The following RUNDC3B variants were observed in gnomAD, a reference collection of about 807,000 sequenced individuals.
The protein encoded by RUNDC3B is RUN domain-containing protein 3B.
A neutral mutation model predicts 58.4 loss-of-function variants in RUNDC3B; 33 were observed. That is an observed-to-expected ratio of 0.56 (90% confidence interval 0.43 to 0.75). The LOEUF is 0.75. Among genes scored for constraint, RUNDC3B ranks in the 30% least tolerant of loss-of-function variants. The pLI, the probability that RUNDC3B is intolerant of heterozygous loss-of-function variation, is 0.00. For missense variants in RUNDC3B, 501 were observed against 535.7 expected (o/e 0.94, Z 0.64); for synonymous variants, 193 against 195.2 (o/e 0.99, Z 0.10).
chr7:87,638,096 C>T (rs1187864539), intron 1 of RUNDC3B, among the ~76,000 whole-genome samples: 1 of 151,698 alleles, frequency 6.6e-6, no homozygotes. Context: ...TGATTTTTCT[C>T]TCTTTTGTTG....
intron 7 of RUNDC3B, among the ~76,000 whole-genome samples, chr7:87,776,911 A>G (rs1428207220): frequency 6.6e-6 from 1 of 152,100 alleles, no homozygotes; most frequent in Non-Finnish European, 1.5e-5. Flanking sequence ...CTAATTAATA[A>G]TCCTTAGAGG....
intron 2 of RUNDC3B, chr7:87,694,029 C>T (rs1193364183): frequency 2.5e-6 from 4 of 1,587,864 alleles, no homozygotes; most frequent in Non-Finnish European, 3.4e-6. Flanking sequence ...CGGGGGAGGG[C>T]TGTATCAGTT....
chr7:87,688,486 C>T (rs1827696660), intron 2 of RUNDC3B, among the ~76,000 whole-genome samples: 1 of 150,158 alleles, frequency 6.7e-6, no homozygotes. Context: ...TGACTTTTGC[C>T]TATTTCTTCT....
At chr7:87,639,558 T>C (rs1195971284) in intron 1 of RUNDC3B, among the ~76,000 whole-genome samples, 8 of 152,162 alleles carry the variant, frequency 5.3e-5, no homozygotes, top group Admixed American at 5.2e-4. Flanking sequence ...ACTATAAATA[T>C]TTTGTTTTGT....
Position 87,730,700 on chromosome 7 carries a change from TG to T in RUNDC3B, c.459-9088del, listed in dbSNP as rs1302148820. On this transcript the variant is annotated intron_variant, in intron 4 of 10. Transcript: ENST00000394654. ...TGCCATCTGCTGATTGTAGAGCCCT[TG>T]GGCCTTGAGAAAACATAAGTGGTAG... Among the ~76,000 whole-genome samples, 24 of 152,004 alleles carry T rather than the reference TG, an allele frequency of 1.6e-4. 1 individual carries two copies. In the East Asian group the frequency reaches 2.9e-3, roughly 19 times the overall value.
At chr7:87,653,540 A>G (rs1356368011) in intron 2 of RUNDC3B, among the ~76,000 whole-genome samples, 3 of 152,096 alleles carry the variant, frequency 2.0e-5, no homozygotes, top group Non-Finnish European at 4.4e-5. Flanking sequence ...AACACTTCTG[A>G]TCTCTGAGAA....
intron 8 of RUNDC3B, among the ~76,000 whole-genome samples, chr7:87,796,244 A>G (rs995294137): frequency 6.6e-6 from 1 of 152,170 alleles, no homozygotes; most frequent in Admixed American, 6.6e-5. Flanking sequence ...TATTTTTGGT[A>G]TATAAAAATC....
rs1563203095 is a variant in RUNDC3B, at chr7:87,777,821, A to T, written c.822A>T (p.Arg274=). 6.2e-7 allele frequency: 1 copy of T among 1,613,670 alleles called. No homozygotes were observed. The highest frequency in any genetic ancestry group is 1.1e-5 in the South Asian group (1 of 91,072). ...EQKGYLEELL[R]LRENQLSESV... is the part of the protein sequence containing the mutation. Reference sequence around the variant, plus strand: ...AGGGTTACCTTGAAGAACTCTTACGACTTCGAGAGAACCAACTATCTGAAT... The same window carrying T: ...AGGGTTACCTTGAAGAACTCTTACGTCTTCGAGAGAACCAACTATCTGAAT... The change falls in exon 8 of 11, where the codon CGA becomes CGT. Residue 274 remains arginine, a synonymous_variant. Coordinates refer to ENST00000394654, the MANE Select transcript of RUNDC3B (RefSeq NM_001134405.2).
intron 1 of RUNDC3B, among the ~76,000 whole-genome samples, chr7:87,637,753 A>C (rs1055546671): frequency 6.6e-6 from 1 of 152,086 alleles, no homozygotes; most frequent in African/African-American, 2.4e-5. Flanking sequence ...CTTTTAAAAT[A>C]CTGGTCTTAT....
intron 8 of RUNDC3B, among the ~76,000 whole-genome samples, chr7:87,780,551 T>G (rs1033015150): frequency 6.6e-6 from 1 of 152,210 alleles, no homozygotes; most frequent in African/African-American, 2.4e-5. Flanking sequence ...ATCTGTAGGT[T>G]GTCTGTTTAC....
chr7:87,783,769 G>C (rs1282023364), intron 8 of RUNDC3B, among the ~76,000 whole-genome samples: 1 of 152,122 alleles, frequency 6.6e-6, no homozygotes, highest in Non-Finnish European at 1.5e-5. Flanking sequence ...AGCTTGGTTT[G>C]GTGGGATATT....
chr7:87,822,014 T>C (rs1177476492), intron 10 of RUNDC3B, among the ~76,000 whole-genome samples: 2 of 151,842 alleles, frequency 1.3e-5, no homozygotes, highest in East Asian at 3.9e-4. Flanking sequence ...CCAAAAGCAA[T>C]GGCAACAAAA....
chr7:87,634,156 A>G (rs1468800369), intron 1 of RUNDC3B, among the ~76,000 whole-genome samples: 3 of 152,130 alleles, frequency 2.0e-5, no homozygotes, highest in African/African-American at 7.2e-5. Context: ...CTGGCTCACT[A>G]GTGGGTGATA....
chr7:87,725,000 G>A (rs1468564865), intron 4 of RUNDC3B, among the ~76,000 whole-genome samples: 1 of 151,812 alleles, frequency 6.6e-6, no homozygotes, highest in Non-Finnish European at 1.5e-5. Flanking sequence ...AAAAAACAAA[G>A]GCTTATGACT....
At chr7:87,753,532 G>T (rs1833158939) in intron 6 of RUNDC3B, among the ~76,000 whole-genome samples, 1 of 152,122 alleles carries the variant, frequency 6.6e-6, no homozygotes, top group African/African-American at 2.4e-5. Context: ...GGTCACTCAG[G>T]ACTTACTTTA....
intron 2 of RUNDC3B, among the ~76,000 whole-genome samples, chr7:87,655,190 C>G (rs1009970015): frequency 6.6e-6 from 1 of 151,954 alleles, no homozygotes; most frequent in Non-Finnish European, 1.5e-5. Context: ...AAAATAGAAC[C>G]TCCATGTAAA....
Position 87,700,529 on chromosome 7 carries a change from A to G in RUNDC3B, c.347A>G (p.Glu116Gly). Reference sequence around the variant, plus strand: ...TGTATCTGCAGCATTGAAAATATGGAAAATGTCAGTTCTTCTAGAGCTAAG... The same window carrying G: ...TGTATCTGCAGCATTGAAAATATGGGAAATGTCAGTTCTTCTAGAGCTAAG... ...QNCICSIENM[E>G]NVSSSRAKGR... Residue 116 changes from glutamate (E) to glycine (G), a missense_variant, in exon 3 of 11, where the codon GAA becomes GGA. Coordinates refer to ENST00000394654, the MANE Select transcript of RUNDC3B (RefSeq NM_001134405.2). 1 of 1,613,256 alleles carries G rather than the reference A, an allele frequency of 6.2e-7. No homozygotes were observed. Among genetic ancestry groups the G allele is most frequent in the Non-Finnish European group, 8.5e-7 (1 of 1,179,672 alleles).
At chr7:87,694,978 C>T (rs1431257911) in intron 2 of RUNDC3B, among the ~76,000 whole-genome samples, 1 of 152,074 alleles carries the variant, frequency 6.6e-6, no homozygotes, top group African/African-American at 2.4e-5. Flanking sequence ...CTAGACATTA[C>T]ATTGTCAATA....
intron 2 of RUNDC3B, among the ~76,000 whole-genome samples, chr7:87,687,837 T>A (rs1378752179): frequency 6.6e-6 from 1 of 152,170 alleles, no homozygotes; most frequent in African/African-American, 2.4e-5. Context: ...AACAGTTACC[T>A]CCCCATGAGG....
Sources: allele counts gnomAD v4.1 joint callset (sites outside exome capture counted in the v4.1 genomes callset), GRCh38; gene constraint gnomAD v4.1.1; transcripts MANE v1.5; gene names NCBI Gene and HGNC (gene_info 2026-07-23, HGNC 2026-07-21).